UBE2D3: variants seen among roughly 807,000 people sequenced by gnomAD.
UBE2D3 encodes ubiquitin-conjugating enzyme E2 D3.
Under a neutral mutation model 22.8 loss-of-function variants are expected in UBE2D3, and 2 were observed. The observed-to-expected ratio is 0.09, with a 90% CI of 0.04 to 0.28. The LOEUF (loss-of-function observed/expected upper bound fraction) is 0.28. UBE2D3 is among the 10% of genes least tolerant of loss of function. UBE2D3 has a pLI of 1.00. For synonymous variants in UBE2D3, 56 were observed against 60.4 expected (o/e 0.93, Z 0.34); for missense variants, 27 against 182.5 (o/e 0.15, Z 4.91).
At chr4:102,867,402 T>A (rs979179912) in intron 1 of UBE2D3, among the ~76,000 whole-genome samples, 6 of 152,218 alleles carry the variant, frequency 3.9e-5, no homozygotes, top group Non-Finnish European at 8.8e-5. Context: ...TGTTGTTAAG[T>A]GTAGAACTGT....
intron 1 of UBE2D3, among the ~76,000 whole-genome samples, chr4:102,850,805 A>G (rs893556413): frequency 2.0e-5 from 3 of 152,222 alleles, no homozygotes; most frequent in Non-Finnish European, 2.9e-5. Context: ...GTTGGAGACC[A>G]TTATTCTAAG....
intron 4 of UBE2D3, among the ~76,000 whole-genome samples, chr4:102,804,637 T>C (rs1057437905): frequency 6.6e-6 from 1 of 152,214 alleles, no homozygotes; most frequent in Non-Finnish European, 1.5e-5. Context: ...TTTTTCTGTG[T>C]AAAATTAACA....
intron 1 of UBE2D3, among the ~76,000 whole-genome samples, chr4:102,848,069 C>T (rs565521853): frequency 6.6e-6 from 1 of 152,268 alleles, no homozygotes; most frequent in East Asian, 1.9e-4. Flanking sequence ...AAATTGCAAC[C>T]TCTGGCATAA....
upstream of UBE2D3, chr4:102,827,710 CT>C: frequency 1.1e-6 from 1 of 931,706 alleles, no homozygotes; most frequent in Non-Finnish European, 1.2e-6. Context: ...GTGTCAAGCC[CT>C]TTTCCTTCTT....
intron 7 of UBE2D3, chr4:102,799,116 C>A: frequency 1.0e-6 from 1 of 970,732 alleles, no homozygotes; most frequent in South Asian, 1.6e-5. Flanking sequence ...GAAAAACATG[C>A]TTGGGGTAAA....
chr4:102,798,870 A>G (rs1725662645), intron 7 of UBE2D3: 22 of 1,527,024 alleles, frequency 1.4e-5, no homozygotes, highest in Non-Finnish European at 1.9e-5. Context: ...TAACGCATGC[A>G]GCACTCAAGT....
chr4:102,808,089 G>A (rs1021513778), intron 4 of UBE2D3, among the ~76,000 whole-genome samples: 3 of 152,096 alleles, frequency 2.0e-5, no homozygotes, highest in Non-Finnish European at 4.4e-5. Flanking sequence ...ATCCAAAATG[G>A]GAAAATTCTA....
chr4:102,804,907 A>T (rs750182725), intron 4 of UBE2D3, among the ~76,000 whole-genome samples: 51 of 152,088 alleles, frequency 3.4e-4, no homozygotes, highest in Non-Finnish European at 2.5e-4. Context: ...CTGGTCTCAA[A>T]CTGCTGAGTT....
upstream of UBE2D3, chr4:102,827,780 G>A (rs1560876788): frequency 1.0e-6 from 1 of 986,062 alleles, no homozygotes; most frequent in Non-Finnish European, 1.2e-6. Context: ...GGCGGGGGAG[G>A]GAGGAGGATC....
At chr4:102,814,457 CTTTTTT>C (rs574701413) in intron 2 of UBE2D3, among the ~76,000 whole-genome samples, 1 of 119,140 alleles carries the variant, frequency 8.4e-6, no homozygotes. Flanking sequence ...CCTGGCTATT[CTTTTTT>C]TTTTTTTTTT....
chr4:102,818,125 A>G (rs1034556365), intron 2 of UBE2D3, among the ~76,000 whole-genome samples: 2 of 152,222 alleles, frequency 1.3e-5, no homozygotes, highest in Non-Finnish European at 2.9e-5. Flanking sequence ...AAGGCCACTG[A>G]AACAGGAAAA....
intron 1 of UBE2D3, among the ~76,000 whole-genome samples, chr4:102,849,074 ATAATT>A (rs1260862351): frequency 6.6e-6 from 1 of 151,948 alleles, no homozygotes; most frequent in African/African-American, 2.4e-5. Flanking sequence ...CAGATTAAAA[ATAATT>A]TAAGAAGGCT....
At chr4:102,820,516 T>C (rs1322781941) in intron 2 of UBE2D3, among the ~76,000 whole-genome samples, 1 of 152,174 alleles carries the variant, frequency 6.6e-6, no homozygotes, top group African/African-American at 2.4e-5. Context: ...TAATTATAGG[T>C]GAAACAAGCA....
chr4:102,868,877 C>T (rs1189160351), upstream of UBE2D3: 119 of 1,505,814 alleles, frequency 7.9e-5, 1 homozygote, highest in South Asian at 1.3e-3. Flanking sequence ...CCAGTTCCCG[C>T]GCCTCGGCAG....
Position 102,834,633 on chromosome 4 carries a change from C to T in UBE2D3, c.-128-7997G>A, listed in dbSNP as rs145741096. On this transcript the variant is annotated intron_variant, in intron 1 of 7. Coordinates refer to the UBE2D3 transcript ENST00000338145. ...GCGTGGTGGTATGCACCAGTAGTCC[C>T]ACATACTAGGGAGGCTGAGGTGGGA... Among the ~76,000 whole-genome samples the T allele has an allele frequency of 1.1e-4, 16 of 152,064 alleles. No individual in the cohort carries two copies. The East Asian group carries it at 3.1e-3, about 30-fold the overall frequency.
intron 1 of UBE2D3, among the ~76,000 whole-genome samples, chr4:102,835,478 CAT>C (rs1366228704): frequency 6.6e-6 from 1 of 152,130 alleles, no homozygotes; most frequent in Admixed American, 6.5e-5. Flanking sequence ...TAGAGATAAA[CAT>C]ATAAAGACAG....
At chr4:102,840,598 G>A (rs560182558) in intron 1 of UBE2D3, among the ~76,000 whole-genome samples, 1 of 152,256 alleles carries the variant, frequency 6.6e-6, no homozygotes, top group African/African-American at 2.4e-5. Context: ...ATGAAGAGAC[G>A]TTGGTGAATG....
intron 1 of UBE2D3, among the ~76,000 whole-genome samples, chr4:102,860,258 T>A (rs1732822098): frequency 6.6e-6 from 1 of 151,968 alleles, no homozygotes; most frequent in African/African-American, 2.4e-5. Flanking sequence ...GAATTCTTTA[T>A]CAGGTAATTT....
intron 2 of UBE2D3, among the ~76,000 whole-genome samples, chr4:102,819,881 G>C (rs137893588): frequency 6.6e-6 from 1 of 152,228 alleles, no homozygotes; most frequent in African/African-American, 2.4e-5. Context: ...TTCTATTTGA[G>C]AGTCTATTTC....
Sources: allele counts gnomAD v4.1 joint callset (sites outside exome capture counted in the v4.1 genomes callset), GRCh38; gene constraint gnomAD v4.1.1; transcripts MANE v1.5; gene names NCBI Gene and HGNC (gene_info 2026-07-23, HGNC 2026-07-21).